EXOC4: variants seen among roughly 807,000 people sequenced by gnomAD.
EXOC4 encodes the protein SEC8-like 1.
In EXOC4, 71 loss-of-function variants were observed where a neutral mutation model predicts 107.2. The ratio of observed to expected loss-of-function variants is 0.66; its 90% CI spans 0.55 to 0.81. EXOC4 has a LOEUF of 0.81. Ranked by LOEUF, EXOC4 falls within the 30% of genes least tolerant of loss-of-function variation. EXOC4 has a pLI of 0.00. For missense variants in EXOC4, 1,108 were observed against 1,189.6 expected (o/e 0.93, Z 1.01); for synonymous variants, 456 against 441.2 (o/e 1.03, Z -0.42).
chr7:133,862,484 G>A (rs1388889599), intron 11 of EXOC4, among the ~76,000 whole-genome samples: 1 of 151,636 alleles, frequency 6.6e-6, no homozygotes, highest in Non-Finnish European at 1.5e-5. Context: ...CTTCGTCTCA[G>A]GGGGCGGGGA....
chr7:134,087,285 G>A, the EXOC4 span, among the ~76,000 whole-genome samples: 1 of 152,150 alleles, frequency 6.6e-6, no homozygotes, highest in South Asian at 2.1e-4. Flanking sequence ...GCAGAATAGG[G>A]GTGATGATGT....
intron 7 of EXOC4, among the ~76,000 whole-genome samples, chr7:133,391,791 A>G (rs1435229374): frequency 6.6e-6 from 1 of 152,306 alleles, no homozygotes; most frequent in East Asian, 1.9e-4. Flanking sequence ...GGACTTATTT[A>G]TGGTCAACTA....
intron 11 of EXOC4, among the ~76,000 whole-genome samples, chr7:133,826,485 T>C (rs1033471587): frequency 2.0e-5 from 3 of 152,166 alleles, no homozygotes; most frequent in Non-Finnish European, 4.4e-5. Context: ...CCCTCTCTCA[T>C]GTATAAAATG....
chr7:134,050,179 A>G (rs1020913999), intron 17 of EXOC4, among the ~76,000 whole-genome samples: 2 of 152,242 alleles, frequency 1.3e-5, no homozygotes, highest in Non-Finnish European at 2.9e-5. Context: ...GGAAACTAGT[A>G]ATAGTAATTG....
At chr7:133,823,077 C>T (rs1797563533) in intron 11 of EXOC4, among the ~76,000 whole-genome samples, 1 of 152,186 alleles carries the variant, frequency 6.6e-6, no homozygotes, top group Non-Finnish European at 1.5e-5. Flanking sequence ...TTCTAATGCT[C>T]AGGCTTAAAC....
At chr7:133,778,514 G>T (rs1796393765) in intron 10 of EXOC4, among the ~76,000 whole-genome samples, 1 of 152,150 alleles carries the variant, frequency 6.6e-6, no homozygotes, top group South Asian at 2.1e-4. Context: ...GGCCCAGGAG[G>T]TGGAGGTTGC....
intron 6 of EXOC4, among the ~76,000 whole-genome samples, chr7:133,358,747 T>G (rs1796076688): frequency 6.6e-6 from 1 of 151,252 alleles, no homozygotes. Context: ...TTATAGTACC[T>G]TTAAAAGCAC....
chr7:133,700,629 A>G (rs994677439), intron 10 of EXOC4, among the ~76,000 whole-genome samples: 2 of 152,194 alleles, frequency 1.3e-5, no homozygotes, highest in Non-Finnish European at 2.9e-5. Flanking sequence ...GGTCTTAGTT[A>G]AGATGTATAT....
intron 10 of EXOC4, among the ~76,000 whole-genome samples, chr7:133,753,555 C>T (rs144696296): frequency 1.0e-3 from 153 of 152,266 alleles, no homozygotes; most frequent in Non-Finnish European, 1.7e-3. Context: ...CATTAAATCG[C>T]CCTACCAGGG....
intron 17 of EXOC4, among the ~76,000 whole-genome samples, chr7:134,032,220 T>A (rs77934392): frequency 6.6e-6 from 1 of 152,206 alleles, no homozygotes; most frequent in Non-Finnish European, 1.5e-5. Flanking sequence ...ATCCTCCATA[T>A]TGAAAGTGAT....
chr7:133,777,788 A>G (rs1241205985), intron 10 of EXOC4, among the ~76,000 whole-genome samples: 2 of 152,170 alleles, frequency 1.3e-5, no homozygotes, highest in African/African-American at 2.4e-5. Flanking sequence ...ACCACCTTTT[A>G]TAAGGTTGTT....
intron 13 of EXOC4, among the ~76,000 whole-genome samples, chr7:133,918,642 ATTAT>A (rs968107384): frequency 1.3e-5 from 2 of 152,214 alleles, no homozygotes; most frequent in Non-Finnish European, 2.9e-5. Context: ...TTCAATTTAA[ATTAT>A]TTACTTAGCC....
chr7:133,546,557 T>C (rs766333672), intron 9 of EXOC4, among the ~76,000 whole-genome samples: 15 of 152,098 alleles, frequency 9.9e-5, no homozygotes, highest in Middle Eastern at 3.2e-3. Flanking sequence ...TACCCGGCCT[T>C]AGCTGGAAAA....
intron 10 of EXOC4, among the ~76,000 whole-genome samples, chr7:133,689,118 G>C (rs1403110896): frequency 6.6e-6 from 1 of 152,116 alleles, no homozygotes; most frequent in Non-Finnish European, 1.5e-5. Context: ...TCAGTGAATG[G>C]CTGTCATAGT....
rs187137320 is a variant in EXOC4 at position 133,287,144 on chromosome 7, T to G, written c.277-1778T>G. On this transcript the variant is annotated intron_variant, in intron 2 of 17. Transcript: ENST00000253861. ...CTTCCACAGTTTTGTTACCATCCCT[T>G]ATTTGCTGTTCTTCCTCTCTGTTCT... is the stretch of plus-strand genomic sequence containing the variant. Among the ~76,000 whole-genome samples the G allele has an allele frequency of 5.3e-5, 8 of 152,276 alleles. No homozygotes were observed. The East Asian group carries it at 1.4e-3, about 26-fold the overall frequency.
chr7:133,820,303 C>A (rs1289256545), intron 11 of EXOC4, among the ~76,000 whole-genome samples: 2 of 151,482 alleles, frequency 1.3e-5, no homozygotes, highest in Non-Finnish European at 2.9e-5. Context: ...AAAAAGCAAA[C>A]AAGGAGATGG....
At chr7:133,714,148 C>A (rs1420834947) in intron 10 of EXOC4, among the ~76,000 whole-genome samples, 1 of 152,070 alleles carries the variant, frequency 6.6e-6, no homozygotes, top group Non-Finnish European at 1.5e-5. Flanking sequence ...CTGCAAAAAA[C>A]TCTTTTGCAG....
At chr7:133,270,634 GATTTT>G (rs1793845708) in intron 1 of EXOC4, among the ~76,000 whole-genome samples, 1 of 152,132 alleles carries the variant, frequency 6.6e-6, no homozygotes, top group South Asian at 2.1e-4. Context: ...GAAAGAGGCT[GATTTT>G]ATTTTATTTT....
chr7:133,351,147 A>G (rs764174836), intron 5 of EXOC4, among the ~76,000 whole-genome samples: 4 of 151,966 alleles, frequency 2.6e-5, no homozygotes, highest in Non-Finnish European at 4.4e-5. Context: ...ATCTGTGTTC[A>G]TAAGTGATAT....
Sources: gnomAD v4.1 joint callset for allele counts (sites outside exome capture counted in the v4.1 genomes callset) on GRCh38, gnomAD v4.1.1 for gene constraint, MANE v1.5 for transcripts, NCBI Gene and HGNC (gene_info 2026-07-23, HGNC 2026-07-21) for gene names.